Variants in MAPK6 observed in about 807,000 individuals in gnomAD.
MAPK6 encodes ERK-3.
Under a neutral mutation model 59.3 loss-of-function variants are expected in MAPK6, and 19 were observed. The ratio of observed to expected loss-of-function variants is 0.32; its 90% CI spans 0.22 to 0.47. The LOEUF is 0.47. Among genes scored for constraint, MAPK6 ranks in the 20% least tolerant of loss-of-function variants. MAPK6 has a pLI of 1.00. For missense variants in MAPK6, 724 were observed against 847.9 expected (o/e 0.85, Z 1.81); for synonymous variants, 316 against 290.3 (o/e 1.09, Z -0.90).
At chr15:52,059,168 C>G (rs1472780518) in intron 4 of MAPK6, among the ~76,000 whole-genome samples, 1 of 152,160 alleles carries the variant, frequency 6.6e-6, no homozygotes, top group Non-Finnish European at 1.5e-5. Flanking sequence ...TTCAGTAGTT[C>G]CACATTCTTA....
Position 52,055,075 on chromosome 15 carries a change from C to T in MAPK6, c.701-3558C>T, listed in dbSNP as rs540229145. ...GATTACAGGCAAGAGCCACCGTGTC[C>T]GGCCAAGTGGACACATTTTAAAGCC... On this transcript the variant is annotated intron_variant, in intron 3 of 5. Transcript: ENST00000261845. Among the ~76,000 whole-genome samples, 6 of 152,324 alleles carry T rather than the reference C, an allele frequency of 3.9e-5. No homozygotes were observed. In the South Asian group the frequency reaches 6.2e-4, roughly 16 times the overall value.
At chr15:51,995,432 C>A (rs1324378524) in intron 2 of MAPK6, among the ~76,000 whole-genome samples, 3 of 152,128 alleles carry the variant, frequency 2.0e-5, no homozygotes, top group African/African-American at 7.2e-5. Flanking sequence ...GAAGTCCTTC[C>A]ATAAAGGGAA....
At chr15:51,998,559 T>C (rs2057232567) in intron 2 of MAPK6, among the ~76,000 whole-genome samples, 2 of 145,920 alleles carry the variant, frequency 1.4e-5, no homozygotes, top group Non-Finnish European at 3.0e-5. Flanking sequence ...TCTCACTCTA[T>C]TGCCCAGGCT....
chr15:52,022,324 G>A (rs1233595476), intron 1 of MAPK6, among the ~76,000 whole-genome samples: 1 of 152,092 alleles, frequency 6.6e-6, no homozygotes, highest in Non-Finnish European at 1.5e-5. Context: ...GTAGTGGTGC[G>A]ATCACTGTTC....
At chr15:51,998,626 T>G (rs945645020) in intron 2 of MAPK6, among the ~76,000 whole-genome samples, 2 of 149,352 alleles carry the variant, frequency 1.3e-5, no homozygotes, top group Non-Finnish European at 3.0e-5. Context: ...GTTCAAGAGA[T>G]TCTCCTGCCT....
At position 52,065,263 on chromosome 15, in the gene MAPK6, A is replaced by G. The variant is rs187774960; in HGVS notation, c.*263A>G. On this transcript the variant is annotated 3_prime_UTR_variant, in exon 6 of 6. Coordinates refer to ENST00000261845, the MANE Select transcript of MAPK6 (RefSeq NM_002748.4). ...AGGAGAAAAGAAATGCACTAAGACA[A>G]GAACATTCTCTCATAGAACATTGAT... 1.8e-4 allele frequency: 59 copies of G among 332,338 alleles called. 5 individuals carry two copies. The highest frequency in any genetic ancestry group is 1.2e-3 in the South Asian group (17 of 13,634). 20.6% of individuals were successfully genotyped at this position (332,338 alleles called of 1,614,324 possible).
At chr15:52,061,891 A>ATG (rs2032217756) in intron 5 of MAPK6, among the ~76,000 whole-genome samples, 2 of 152,214 alleles carry the variant, frequency 1.3e-5, no homozygotes, top group African/African-American at 2.4e-5. Context: ...GCTACTTTGA[A>ATG]ACATTTTCAA....
chr15:52,064,569 A>G lies in MAPK6; in HGVS notation c.1735A>G (p.Met579Val). The change falls in exon 6 of 6, where the codon ATG becomes GTG. Residue 579 changes from methionine to valine, a missense_variant. Physicochemically the swap from Met to Val is conservative, Grantham distance 21. Around this residue, in one of 4 missense-constraint regions of MAPK6, gnomAD observed 502 missense variants for 507.6 expected, o/e 0.99. Transcript: ENST00000261845. ...SVSQEKQEKGMANLAQLEALY... is the reference protein window; with the variant it reads ...SVSQEKQEKGVANLAQLEALY... The stretch of plus-strand genomic sequence containing the variant: ...AAGCCAAGAAAAACAGGAAAAAGGA[A>G]TGGCAAATCTGGCTCAATTAGAAGC... The G allele has an allele frequency of 3.1e-6, 5 of 1,611,752 alleles. No individual in the cohort carries two copies. The highest frequency in any genetic ancestry group is 1.1e-5 in the South Asian group (1 of 90,902).
At chr15:52,054,128 G>C (rs1282193965) in intron 3 of MAPK6, among the ~76,000 whole-genome samples, 1 of 151,890 alleles carries the variant, frequency 6.6e-6, no homozygotes, top group East Asian at 2.0e-4. Flanking sequence ...AGCGCTTTGG[G>C]ATGCGGAGGC....
chr15:51,988,145 AC>A (rs1459616747), intron 2 of MAPK6, among the ~76,000 whole-genome samples: 8 of 152,138 alleles, frequency 5.3e-5, no homozygotes, highest in African/African-American at 1.9e-4. Context: ...AGGTACCTAA[AC>A]AATTTCAGAC....
At chr15:52,014,307 C>A (rs2030171995), upstream of MAPK6, among the ~76,000 whole-genome samples, 1 of 152,158 alleles carries the variant, frequency 6.6e-6, no homozygotes, top group African/African-American at 2.4e-5. Context: ...TAGCTCACAA[C>A]AATAATTAGC....
intron 1 of MAPK6, among the ~76,000 whole-genome samples, chr15:52,030,251 A>G (rs1167788833): frequency 1.3e-5 from 2 of 152,196 alleles, no homozygotes; most frequent in Non-Finnish European, 2.9e-5. Flanking sequence ...GAATTTGTTA[A>G]TTAGCTAACA....
intron 3 of MAPK6, among the ~76,000 whole-genome samples, chr15:52,008,194 T>C (rs1320814311): frequency 6.6e-6 from 1 of 152,142 alleles, no homozygotes; most frequent in African/African-American, 2.4e-5. Flanking sequence ...ACTCCACCTT[T>C]GACTTACTGA....
At chr15:52,063,524 AG>A in intron 5 of MAPK6, among the ~76,000 whole-genome samples, 1 of 6,834 alleles carries the variant, frequency 1.5e-4, no homozygotes, top group Admixed American at 2.2e-3. Context: ...CTCCTCTTCT[AG>A]TTGCCCTTAC....
chr15:52,031,402 A>G (rs1435745442), intron 1 of MAPK6, among the ~76,000 whole-genome samples: 1 of 152,196 alleles, frequency 6.6e-6, no homozygotes, highest in Non-Finnish European at 1.5e-5. Flanking sequence ...GTGATCTTGA[A>G]TGTGTTTTTT....
At position 52,054,072 on chromosome 15, in the gene MAPK6, T is replaced by G. The variant is rs1243998206; in HGVS notation, c.700+3935T>G. The stretch of plus-strand genomic sequence containing the variant: ...CCTGTGTTGTCTTCTGAGAGTTTTA[T>G]AGGATTCTTATACAGCTGGGCGCGG... On this transcript the variant is annotated intron_variant, in intron 3 of 5. Coordinates refer to ENST00000261845, the MANE Select transcript of MAPK6 (RefSeq NM_002748.4). Among the ~76,000 whole-genome samples the G allele has an allele frequency of 4.7e-5, 7 of 150,350 alleles. No individual in the cohort carries two copies. In the East Asian group the frequency reaches 1.4e-3, roughly 29 times the overall value.
chr15:52,022,356 G>C (rs892674615), intron 1 of MAPK6, among the ~76,000 whole-genome samples: 1 of 152,146 alleles, frequency 6.6e-6, no homozygotes, highest in African/African-American at 2.4e-5. Context: ...TACTTCCCGG[G>C]CTCAGGTGAT....
intron 3 of MAPK6, chr15:52,057,131 T>A (rs1159051030): frequency 2.6e-5 from 4 of 151,758 alleles, no homozygotes; most frequent in Non-Finnish European, 5.9e-5. Context: ...AACGGCTTGT[T>A]ACTGTCACTC....
At chr15:52,027,768 T>A (rs900437752) in intron 1 of MAPK6, 7 of 150,582 alleles carry the variant, frequency 4.6e-5, no homozygotes, top group Admixed American at 3.3e-4. Context: ...TTTATTTATT[T>A]ATTTATTTAT....
Sources: allele counts gnomAD v4.1 joint callset (sites outside exome capture counted in the v4.1 genomes callset), GRCh38; gene constraint gnomAD v4.1.1; regional missense constraint gnomAD v4.1.1; transcripts MANE v1.5; gene names NCBI Gene and HGNC (gene_info 2026-07-23, HGNC 2026-07-21).